The following ACAD10 variants were observed in gnomAD, a reference collection of about 807,000 sequenced individuals.
ACAD10 encodes acyl-CoA dehydrogenase family member 10, also known as ACAD-10.
A neutral mutation model predicts 116.8 loss-of-function variants in ACAD10; 112 were observed. That is an observed-to-expected ratio of 0.96 (90% CI 0.82 to 1.12). ACAD10 has a LOEUF of 1.12. Among genes scored for constraint, ACAD10 ranks in the 50% most tolerant of loss-of-function variants. The pLI is 0.00. For synonymous variants in ACAD10, 486 were observed against 510.6 expected, an observed-to-expected ratio of 0.95 and a Z score of 0.65; for missense variants, 1,259 against 1,350.2, an observed-to-expected ratio of 0.93 and a Z score of 1.06.
Position 111,712,488 on chromosome 12 carries a change from C to T in ACAD10, c.691-10C>T. 2 of 1,609,210 alleles carry T rather than the reference C, an allele frequency of 1.2e-6. No homozygotes were observed. Among genetic ancestry groups the T allele is most frequent in the Non-Finnish European group, 1.7e-6 (2 of 1,178,046 alleles). ...AAAAATATACATCTACATATTCTCT[C>T]TGAAACCAGGTTAATGACCCAGAGA... On this transcript the variant is annotated splice_polypyrimidine_tract_variant and intron_variant, in intron 5 of 20. Coordinates refer to ENST00000313698, the MANE Select transcript of ACAD10 (RefSeq NM_025247.6).
chr12:111,746,058 C>G, intron 13 of ACAD10, 86 bp from the exon 14 acceptor site: 1 of 1,524,328 alleles, frequency 6.6e-7, no homozygotes, highest in Non-Finnish European at 8.8e-7. Context: ...TGCCTTGTTT[C>G]CTCCAATCCC....
At chr12:111,737,347 T>G (rs1172414972) in intron 12 of ACAD10, among the ~76,000 whole-genome samples, 1 of 152,088 alleles carries the variant, frequency 6.6e-6, no homozygotes, top group Non-Finnish European at 1.5e-5. Context: ...CACGCCTGGC[T>G]AATTTTTTTT....
chr12:111,724,499 C>G (rs376255268), intron 8 of ACAD10, among the ~76,000 whole-genome samples: 7,807 of 152,300 alleles, frequency 0.051, 264 homozygotes, highest in South Asian at 0.093. Context: ...CGCCACTGCA[C>G]TCCAGCCTGG....
chr12:111,704,749 A>G (rs1335924929), intron 3 of ACAD10, among the ~76,000 whole-genome samples: 1 of 138,120 alleles, frequency 7.2e-6, no homozygotes, highest in South Asian at 2.3e-4. Flanking sequence ...GTGCAGTGGC[A>G]TGATCTTGGC....
intron 6 of ACAD10, 95 bp downstream of exon 6, chr12:111,712,752 CAAAG>C: frequency 7.2e-7 from 1 of 1,380,946 alleles, no homozygotes; most frequent in Admixed American, 2.1e-5. Flanking sequence ...GGGCTGGAGA[CAAAG>C]AAGCTTTACA....
chr12:111,749,702 G>C lies in ACAD10; in HGVS notation c.2817+357G>C, dbSNP rs144233433. On this transcript the variant is annotated intron_variant, in intron 18 of 20. Coordinates refer to ENST00000313698, the MANE Select transcript of ACAD10 (RefSeq NM_025247.6). ...AGTACTTTGGGAGGTCTAGGTAGGA[G>C]GGTTGCTTGAAGCCAAGCATTTGAG... 71 of 192,222 alleles carry C rather than the reference G, an allele frequency of 3.7e-4. No homozygotes were observed. In the East Asian group the frequency reaches 9.2e-3, roughly 25 times the overall value. 11.9% of individuals were successfully genotyped at this position (192,222 alleles called of 1,614,324 possible). A position where few individuals can be genotyped will look rare whatever the true frequency, so the allele number is the denominator to read the frequency against.
chr12:111,738,619 C>G (rs1889643039), intron 12 of ACAD10, among the ~76,000 whole-genome samples: 2 of 152,060 alleles, frequency 1.3e-5, no homozygotes, highest in African/African-American at 4.8e-5. Flanking sequence ...GTAATCCCAG[C>G]ACTTTGGGAG....
chr12:111,747,390 T>A lies in ACAD10; in HGVS notation c.2485+5T>A. 6.2e-7 allele frequency: 1 copy of A among 1,614,140 alleles called. No homozygotes were observed. The highest frequency in any genetic ancestry group is 1.3e-5 in the African/African-American group (1 of 75,042). On this transcript the variant is annotated splice_donor_5th_base_variant and intron_variant, in intron 16 of 20. Transcript: ENST00000313698. ...GTCACAAATGGTGGATCACAGGTAT[T>A]TGGCCTAAAATGCACTTTCCAAATG...
At chr12:111,699,760 A>C (rs563025297) in intron 2 of ACAD10, among the ~76,000 whole-genome samples, 1 of 152,106 alleles carries the variant, frequency 6.6e-6, no homozygotes, top group Non-Finnish European at 1.5e-5. Flanking sequence ...TTTCTACAAA[A>C]AATAAAAAAA....
chr12:111,732,121 G>A (rs1311954434), intron 10 of ACAD10, among the ~76,000 whole-genome samples: 1 of 152,114 alleles, frequency 6.6e-6, no homozygotes, highest in Non-Finnish European at 1.5e-5. Flanking sequence ...CAGTAACATG[G>A]AAGATGGGAA....
intron 7 of ACAD10, among the ~76,000 whole-genome samples, chr12:111,720,956 G>T (rs1555257769): frequency 6.6e-6 from 1 of 151,738 alleles, no homozygotes; most frequent in Non-Finnish European, 1.5e-5. Context: ...GCTAATTTTT[G>T]TATTTTTAGT....
chr12:111,725,618 T>C (rs1012850524), intron 8 of ACAD10, among the ~76,000 whole-genome samples: 1 of 151,430 alleles, frequency 6.6e-6, no homozygotes, highest in African/African-American at 2.4e-5. Context: ...CACTGCAACC[T>C]CTGCCTCCTG....
intron 14 of ACAD10, 104 bp from the exon 15 acceptor site, chr12:111,746,945 A>G: frequency 6.9e-7 from 1 of 1,451,060 alleles, no homozygotes; most frequent in Non-Finnish European, 9.2e-7. Flanking sequence ...GGCTGCAGTG[A>G]GCCATGATCG....
intron 16 of ACAD10, 196 bp downstream of exon 16, chr12:111,747,581 T>C (rs1889949336): frequency 7.1e-7 from 1 of 1,410,728 alleles, no homozygotes; most frequent in Non-Finnish European, 9.3e-7. Context: ...GAGGTGGCAC[T>C]TCACAGGGCA....
intron 18 of ACAD10, 87 bp downstream of exon 18, chr12:111,749,432 A>T: frequency 1.3e-6 from 2 of 1,505,846 alleles, no homozygotes; most frequent in Admixed American, 4.0e-5. Flanking sequence ...CTGTTTTCTG[A>T]GTGCAGTCCT....
At chr12:111,689,062 G>A (rs1299186570) in intron 1 of ACAD10, among the ~76,000 whole-genome samples, 1 of 151,766 alleles carries the variant, frequency 6.6e-6, no homozygotes. Context: ...GTGGTGGCAC[G>A]CACCTGTAAT....
In ACAD10 at chr12:111,744,933, CG is replaced by C. The variant is rs767621882; in HGVS notation, c.2007del (p.Leu670Ter). 1.9e-6 allele frequency: 3 copies of C among 1,614,142 alleles called. No homozygotes were observed. The South Asian group carries it at 3.3e-5, about 18-fold the overall frequency. ...LSPPVRELYH[R>X]LKHFMEQRVY... is the part of the protein sequence containing the mutation. Reference sequence around the variant, plus strand: ...TCCACCTGTCAGAGAGCTGTATCACCGGCTGAAGCACTTCATGGAGCAACGT... The same window carrying C: ...TCCACCTGTCAGAGAGCTGTATCACCGCTGAAGCACTTCATGGAGCAACGT... On this transcript the variant is annotated frameshift_variant, in exon 13 of 21. Transcript: ENST00000313698. LOFTEE classifies it high-confidence loss of function.
intron 4 of ACAD10, among the ~76,000 whole-genome samples, chr12:111,706,219 T>G (rs1367231738): frequency 6.6e-6 from 1 of 152,158 alleles, no homozygotes; most frequent in African/African-American, 2.4e-5. Flanking sequence ...CTGTCAGCCC[T>G]CATATCGTAA....
At chr12:111,689,966 CG>C (rs1024844579) in intron 1 of ACAD10, among the ~76,000 whole-genome samples, 14 of 152,136 alleles carry the variant, frequency 9.2e-5, no homozygotes, top group African/African-American at 3.1e-4. Flanking sequence ...CCGCCCGCCT[CG>C]GCCTCCCAGA....
Sources: gnomAD v4.1 joint callset for allele counts (sites outside exome capture counted in the v4.1 genomes callset) on GRCh38, gnomAD v4.1.1 for gene constraint, MANE v1.5 for transcripts, NCBI Gene and HGNC (gene_info 2026-07-23, HGNC 2026-07-21) for gene names.